CCDC40: variants seen among roughly 807,000 people sequenced by gnomAD.
CCDC40 encodes the protein coiled-coil domain-containing protein 40.
In CCDC40, 104 loss-of-function variants were observed where a neutral mutation model predicts 124.5. That is an observed-to-expected ratio of 0.84 (90% CI 0.71 to 0.98). The LOEUF (loss-of-function observed/expected upper bound fraction) is 0.98, where lower values mean the gene tolerates loss of function less well. CCDC40 is among the 50% of genes least tolerant of loss of function. The pLI, the probability that CCDC40 is intolerant of heterozygous loss-of-function variation, is 0.00. For missense variants in CCDC40, 1,463 were observed against 1,503.9 expected (o/e 0.97, Z 0.45); for synonymous variants, 580 against 602.9 (o/e 0.96, Z 0.56).
chr17:80,069,860 C>T (rs1041400750), intron 10 of CCDC40, among the ~76,000 whole-genome samples: 1 of 152,198 alleles, frequency 6.6e-6, no homozygotes, highest in Admixed American at 6.5e-5. Context: ...CCCTAATCTC[C>T]TAGACTTCCT....
intron 7 of CCDC40, among the ~76,000 whole-genome samples, chr17:80,051,562 G>A (rs1598490381): frequency 7.1e-6 from 1 of 141,464 alleles, no homozygotes; most frequent in South Asian, 2.3e-4. Flanking sequence ...CTGGGAGTCG[G>A]AGCTTGCAGT....
rs888441293 is a variant in CCDC40, at chr17:80,058,716, G to T, written c.1317+65G>T. The T allele has an allele frequency of 1.2e-6, 2 of 1,607,292 alleles. No individual in the cohort carries two copies. The highest frequency in any genetic ancestry group is 2.7e-5 in the African/African-American group (2 of 74,778). ...CCGTGGAGCTTCAAAAAGGGGCTCA[G>T]CTTTGCCTCCTGCGTGAAGGCTTCC... On this transcript the variant is annotated intron_variant, in intron 8 of 19. Coordinates refer to ENST00000397545, the MANE Select transcript of CCDC40 (RefSeq NM_017950.4). The surrounding 1 kb of genome is among the most constrained non-coding windows in gnomAD (Gnocchi z 4.2).
In CCDC40 at chr17:80,066,048, C is replaced by G. The variant is rs1373408320; in HGVS notation, c.1562+442C>G. Reference sequence around the variant, plus strand: ...GGAAGAGGCCTCCTCTGGGCATCCCCTCACTTCTGGGGATGGATGCGTGGC... The same window carrying G: ...GGAAGAGGCCTCCTCTGGGCATCCCGTCACTTCTGGGGATGGATGCGTGGC... On this transcript the variant is annotated intron_variant, in intron 10 of 19. Transcript: ENST00000397545. This position sits in a 1 kb window ranked among gnomAD's most constrained non-coding sequence, Gnocchi z 4.4. 1 of 700,268 alleles carries G rather than the reference C, an allele frequency of 1.4e-6. No individual in the cohort carries two copies. Among genetic ancestry groups the G allele is most frequent in the Non-Finnish European group, 2.6e-6 (1 of 383,730 alleles). 43.4% of individuals were successfully genotyped at this position (700,268 alleles called of 1,614,324 possible).
chr17:80,087,514 C>G lies in CCDC40; in HGVS notation c.2450-93C>G. 1.0e-6 allele frequency: 1 copy of G among 982,936 alleles called. No individual in the cohort carries two copies. Among genetic ancestry groups the G allele is most frequent in the Non-Finnish European group, 1.6e-6 (1 of 623,412 alleles). The allele number at this position is 982,936 out of a possible 1,614,324, so 60.9% of individuals were successfully genotyped here. On this transcript the variant is annotated intron_variant, in intron 14 of 19. Coordinates refer to ENST00000397545, the MANE Select transcript of CCDC40 (RefSeq NM_017950.4). This position sits in a 1 kb window ranked among gnomAD's most constrained non-coding sequence, Gnocchi z 4.5. ...GGATGAAGGGAGCTACAGGGAGAGA[C>G]AAAACCTGGCTCACCTCTCGGACAC... is the stretch of plus-strand genomic sequence containing the variant.
chr17:80,089,027 A>G (rs962318072), intron 16 of CCDC40, among the ~76,000 whole-genome samples: 1 of 152,252 alleles, frequency 6.6e-6, no homozygotes, highest in African/African-American at 2.4e-5. Context: ...AACATTTTAA[A>G]CTATACAATG....
chr17:80,044,737 A>ATATATC (rs1568671789), intron 3 of CCDC40, among the ~76,000 whole-genome samples: 2 of 139,226 alleles, frequency 1.4e-5, no homozygotes, highest in Non-Finnish European at 3.1e-5. Flanking sequence ...ATATATATAT[A>ATATATC]TCTCAACAAC....
intron 10 of CCDC40, among the ~76,000 whole-genome samples, chr17:80,071,565 A>C (rs993812844): frequency 6.6e-6 from 1 of 152,160 alleles, no homozygotes; most frequent in African/African-American, 2.4e-5. Context: ...CCCCGACGTC[A>C]CGATTTTTGG....
intron 1 of CCDC40, among the ~76,000 whole-genome samples, chr17:80,037,688 A>AGATATATATATATATATATAT (rs1555889124): frequency 2.2e-5 from 1 of 45,678 alleles, no homozygotes; most frequent in African/African-American, 5.9e-5. Flanking sequence ...TTTTTTAAAA[A>AGATATATATATATATATATAT]AGATATACAT....
intron 10 of CCDC40, among the ~76,000 whole-genome samples, chr17:80,072,563 A>G (rs1029229175): frequency 6.6e-6 from 1 of 152,200 alleles, no homozygotes; most frequent in South Asian, 2.1e-4. Flanking sequence ...AGTCAGGATG[A>G]CTGGGGATAA....
intron 7 of CCDC40, among the ~76,000 whole-genome samples, chr17:80,050,931 G>A (rs980394160): frequency 6.6e-5 from 10 of 152,176 alleles, no homozygotes; most frequent in African/African-American, 2.4e-4. Context: ...CGAGGGTGAG[G>A]CCGGCACGAC....
chr17:80,067,702 T>C, intron 10 of CCDC40: 1 of 1,529,256 alleles, frequency 6.5e-7, no homozygotes, highest in Non-Finnish European at 8.8e-7. Context: ...GGATGCTATA[T>C]AGCCTTTTTT....
intron 10 of CCDC40, among the ~76,000 whole-genome samples, chr17:80,074,885 G>A (rs555975692): frequency 6.6e-6 from 1 of 152,074 alleles, no homozygotes; most frequent in African/African-American, 2.4e-5. Flanking sequence ...TCTAGATAAC[G>A]TTAAGGATAT....
chr17:80,054,986 AT>A (rs1304094699), intron 7 of CCDC40, among the ~76,000 whole-genome samples: 3 of 150,014 alleles, frequency 2.0e-5, no homozygotes, highest in African/African-American at 5.0e-5. Context: ...AAAAAAAAAA[AT>A]AAATAAATCA....
intron 10 of CCDC40, among the ~76,000 whole-genome samples, chr17:80,073,288 A>AT (rs1430524476): frequency 6.6e-6 from 1 of 151,986 alleles, no homozygotes; most frequent in Non-Finnish European, 1.5e-5. Context: ...CAGGAATCGC[A>AT]TTTTTTACAA....
chr17:80,095,406 C>T lies in CCDC40; in HGVS notation c.2976C>T (p.His992=). ...AGGCGCTCACCCGCACCGACTTCCA[C>T]CACAAGCAGCTTGAGCTGCGCCGGA... ...DRKALTRTDF[H]HKQLELRRKI... is the part of the protein sequence containing the mutation. The change falls in exon 18 of 20, where the codon CAC becomes CAT. Residue 992 remains histidine (H), a synonymous_variant. Transcript: ENST00000397545. The T allele has an allele frequency of 6.2e-7, 1 of 1,614,162 alleles. No individual in the cohort carries two copies. The highest frequency in any genetic ancestry group is 8.5e-7 in the Non-Finnish European group (1 of 1,180,046).
In CCDC40 at chr17:80,089,606, A is replaced by G. The variant is rs1019828734; in HGVS notation, c.2712-158A>G. ...CAAACGTTTGCATAAGGAGCCCAGTAGTGAACACTTCAGGCTTTGAGAGCC... is the reference window on the plus strand; with the variant it reads ...CAAACGTTTGCATAAGGAGCCCAGTGGTGAACACTTCAGGCTTTGAGAGCC... On this transcript the variant is annotated intron_variant, in intron 16 of 19. Coordinates refer to ENST00000397545, the MANE Select transcript of CCDC40 (RefSeq NM_017950.4). 5 of 779,406 alleles carry G rather than the reference A, an allele frequency of 6.4e-6. No individual in the cohort carries two copies. The African/African-American group carries it at 7.2e-5, about 11-fold the overall frequency. The allele number at this position is 779,406 out of a possible 1,614,324, so 48.3% of individuals were successfully genotyped here.
In CCDC40 at chr17:80,044,710, A is replaced by AC. The variant is rs1568671585; in HGVS notation, c.553-2569_553-2568insC. On this transcript the variant is annotated intron_variant, in intron 3 of 19. Coordinates refer to ENST00000397545, the MANE Select transcript of CCDC40 (RefSeq NM_017950.4). ...AAACAAAACAAAACAAACAAACAAA[A>AC]AAAAAAATATATATATATATATATA... Among the ~76,000 whole-genome samples the AC allele has an allele frequency of 1.1e-3, 125 of 118,744 alleles. 3 individuals carry two copies. Among genetic ancestry groups the AC allele is most frequent in the East Asian group, 8.3e-3 (36 of 4,352 alleles). 77.9% of individuals were successfully genotyped at this position (118,744 alleles called of 152,430 possible). A position where few individuals can be genotyped will look rare whatever the true frequency, so the allele number is the denominator to read the frequency against.
At chr17:80,052,286 C>T (rs2037621518) in intron 7 of CCDC40, among the ~76,000 whole-genome samples, 1 of 152,170 alleles carries the variant, frequency 6.6e-6, no homozygotes, top group African/African-American at 2.4e-5. Context: ...GTCTGAGTTC[C>T]AAAAATGAAG....
Position 80,087,822 on chromosome 17 carries a change from C to T in CCDC40, c.2619+46C>T, listed in dbSNP as rs375054747. 4.8e-5 allele frequency: 75 copies of T among 1,577,038 alleles called. No homozygotes were observed. The highest frequency in any genetic ancestry group is 6.0e-5 in the Non-Finnish European group (69 of 1,147,090). On this transcript the variant is annotated intron_variant, in intron 15 of 19. Transcript: ENST00000397545. This position sits in a 1 kb window ranked among gnomAD's most constrained non-coding sequence, Gnocchi z 4.5. ...TCCCGGGGCTCAGGACGATGGAGGGCGGGGGTACGGTCCTTGCGGTGGGCG... is the reference window on the plus strand; with the variant it reads ...TCCCGGGGCTCAGGACGATGGAGGGTGGGGGTACGGTCCTTGCGGTGGGCG...
Sources: gnomAD v4.1 joint callset for allele counts (sites outside exome capture counted in the v4.1 genomes callset) on GRCh38, gnomAD v4.1.1 for gene constraint, Gnocchi (gnomAD v3.1) non-coding constraint, MANE v1.5 for transcripts, NCBI Gene and HGNC (gene_info 2026-07-23, HGNC 2026-07-21) for gene names.